DCDC2: variants seen among roughly 807,000 people sequenced by gnomAD.
DCDC2 encodes the protein doublecortin domain containing 2.
A neutral mutation model predicts 50.2 loss-of-function variants in DCDC2; 40 were observed. That is an observed-to-expected ratio of 0.80 (90% confidence interval 0.62 to 1.04). The LOEUF (loss-of-function observed/expected upper bound fraction) is 1.04. Among genes scored for constraint, DCDC2 ranks in the 50% least tolerant of loss-of-function variants. The pLI is 0.00. For missense variants in DCDC2, 570 were observed against 581.9 expected (o/e 0.98, Z 0.21); for synonymous variants, 234 against 210.6 (o/e 1.11, Z -0.96).
In DCDC2 at chr6:24,345,599, C is replaced by T. The variant is rs183943857; in HGVS notation, c.348+7970G>A. 2.6e-4 allele frequency among the ~76,000 whole-genome samples: 40 copies of T among 152,216 alleles called. 1 individual carries two copies. The East Asian group carries it at 6.8e-3, about 26-fold the overall frequency. On this transcript the variant is annotated intron_variant, in intron 2 of 9. Coordinates refer to ENST00000378454, the MANE Select transcript of DCDC2 (RefSeq NM_016356.5). ...AGAGGATTCAGAAGGATGGCTTATC[C>T]AAGAAGAAGGCTGCTACTCTCTGGG...
rs138771040 is a variant in DCDC2, at chr6:24,185,390, G to A, written c.1024-6758C>T. 3.1e-3 allele frequency among the ~76,000 whole-genome samples: 465 copies of A among 152,228 alleles called. 4 individuals carry two copies. Among genetic ancestry groups the A allele is most frequent in the African/African-American group, 7.1e-3 (297 of 41,552 alleles). On this transcript the variant is annotated intron_variant, in intron 8 of 9. Coordinates refer to ENST00000378454, the MANE Select transcript of DCDC2 (RefSeq NM_016356.5). ...CAACTTTAAGAAATGCAAGATTATC[G>A]TGTTGAAATGCCAATTTGATCAATT...
At chr6:24,276,917 T>A (rs533504932) in intron 7 of DCDC2, among the ~76,000 whole-genome samples, 2 of 152,168 alleles carry the variant, frequency 1.3e-5, no homozygotes, top group South Asian at 4.1e-4. Context: ...GGGACGAGAA[T>A]CTAGGACTCC....
intron 7 of DCDC2, among the ~76,000 whole-genome samples, chr6:24,213,213 T>G (rs1308165130): frequency 1.3e-5 from 2 of 151,864 alleles, no homozygotes; most frequent in Admixed American, 6.5e-5. Context: ...TGAGGATGAG[T>G]AAGAAGAAAA....
intron 7 of DCDC2, among the ~76,000 whole-genome samples, chr6:24,242,844 C>T (rs1427905191): frequency 6.6e-6 from 1 of 152,048 alleles, no homozygotes; most frequent in African/African-American, 2.4e-5. Flanking sequence ...CACCTGTAAT[C>T]CCAGCTACAT....
chr6:24,266,428 A>T (rs1344325147), intron 7 of DCDC2, among the ~76,000 whole-genome samples: 1 of 152,176 alleles, frequency 6.6e-6, no homozygotes, highest in Non-Finnish European at 1.5e-5. Context: ...TCTGACAAGG[A>T]ATTAATAATC....
At chr6:24,257,161 T>G (rs1762912471) in intron 7 of DCDC2, among the ~76,000 whole-genome samples, 1 of 152,228 alleles carries the variant, frequency 6.6e-6, no homozygotes, top group Admixed American at 6.5e-5. Context: ...TCTGTGCCAC[T>G]GGAAAATACT....
At chr6:24,342,522 C>A (rs1262550585) in intron 2 of DCDC2, among the ~76,000 whole-genome samples, 1 of 152,112 alleles carries the variant, frequency 6.6e-6, no homozygotes, top group Non-Finnish European at 1.5e-5. Context: ...GGCTCTGACC[C>A]CGAAAACCTT....
At chr6:24,381,210 C>T in the DCDC2 span, among the ~76,000 whole-genome samples, 1 of 152,128 alleles carries the variant, frequency 6.6e-6, no homozygotes. Flanking sequence ...GCACATCTCT[C>T]ATTTCACATA....
intron 2 of DCDC2, among the ~76,000 whole-genome samples, chr6:24,339,070 G>A (rs1923168): frequency 0.18 from 26,709 of 151,884 alleles, 2,437 homozygotes; most frequent in Middle Eastern, 0.2. Context: ...ACCTCTTCCC[G>A]TGATTCAGCC....
chr6:24,281,526 G>A (rs544589926), intron 6 of DCDC2, among the ~76,000 whole-genome samples: 10 of 145,788 alleles, frequency 6.9e-5, no homozygotes, highest in South Asian at 4.4e-4. Flanking sequence ...TGAAGGGGGA[G>A]AAGAGAAAAA....
At chr6:24,319,093 GT>G (rs1759726321) in intron 2 of DCDC2, among the ~76,000 whole-genome samples, 1 of 151,914 alleles carries the variant, frequency 6.6e-6, no homozygotes, top group Non-Finnish European at 1.5e-5. Context: ...GCCAACATTT[GT>G]TGTTTTTTGA....
chr6:24,380,967 C>CA, the DCDC2 span, among the ~76,000 whole-genome samples: 1 of 151,720 alleles, frequency 6.6e-6, no homozygotes, highest in Non-Finnish European at 1.5e-5. Flanking sequence ...CCTATAGTCC[C>CA]AAGCTACTTG....
intron 7 of DCDC2, among the ~76,000 whole-genome samples, chr6:24,271,888 T>C (rs922709693): frequency 1.3e-5 from 2 of 152,200 alleles, no homozygotes; most frequent in Non-Finnish European, 1.5e-5. Context: ...AATACCTCTG[T>C]AATTCAACAC....
chr6:24,358,006 C>T lies in DCDC2; in HGVS notation c.-256G>A. 1 of 1,327,806 alleles carries T rather than the reference C, an allele frequency of 7.5e-7. No homozygotes were observed. Among genetic ancestry groups the T allele is most frequent in the South Asian group, 1.6e-5 (1 of 64,010 alleles). The allele number at this position is 1,327,806 out of a possible 1,614,324, so 82.3% of individuals were successfully genotyped here. A position where few individuals can be genotyped will look rare whatever the true frequency, so the allele number is the denominator to read the frequency against. ...GCACAGCCAATCAGGACCCGCAGTG[C>T]GCGCACCACACCAGGTTCACCTGCT... On this transcript the variant is annotated 5_prime_UTR_variant, in exon 1 of 10. Coordinates refer to ENST00000378454, the MANE Select transcript of DCDC2 (RefSeq NM_016356.5).
At chr6:24,224,608 T>C (rs529680651) in intron 7 of DCDC2, among the ~76,000 whole-genome samples, 1 of 152,236 alleles carries the variant, frequency 6.6e-6, no homozygotes, top group East Asian at 1.9e-4. Flanking sequence ...AGCCGGAAGG[T>C]AAAAGGCTTT....
intron 7 of DCDC2, among the ~76,000 whole-genome samples, chr6:24,211,380 T>C (rs551382167): frequency 2.8e-4 from 43 of 152,202 alleles, no homozygotes; most frequent in African/African-American, 9.9e-4. Flanking sequence ...GATCAACAAA[T>C]TACGTTATTG....
chr6:24,235,259 A>G (rs888146170), intron 7 of DCDC2, among the ~76,000 whole-genome samples: 9 of 152,222 alleles, frequency 5.9e-5, no homozygotes, highest in South Asian at 2.1e-4. Flanking sequence ...GGGGGAGATA[A>G]GACATGGACA....
intron 6 of DCDC2, 48 bp from the exon 7 acceptor site, chr6:24,278,259 A>G: frequency 6.5e-7 from 1 of 1,529,178 alleles, no homozygotes; most frequent in Non-Finnish European, 8.9e-7. Context: ...TGAACTCTCA[A>G]AAACATTCCC....
chr6:24,274,112 G>C (rs146435472), intron 7 of DCDC2, among the ~76,000 whole-genome samples: 1 of 152,106 alleles, frequency 6.6e-6, no homozygotes, highest in East Asian at 1.9e-4. Context: ...CCTTGAAAAC[G>C]TACTTACAAT....
Sources: allele counts gnomAD v4.1 joint callset (sites outside exome capture counted in the v4.1 genomes callset), GRCh38; gene constraint gnomAD v4.1.1; transcripts MANE v1.5; gene names NCBI Gene and HGNC (gene_info 2026-07-23, HGNC 2026-07-21).